Variants in LIMCH1 observed in about 807,000 individuals in gnomAD.
The protein encoded by LIMCH1 is LIM and calponin homology domains-containing protein 1.
Under a neutral mutation model 176.5 loss-of-function variants are expected in LIMCH1, and 113 were observed. The ratio of observed to expected loss-of-function variants is 0.64; its 90% CI spans 0.55 to 0.75. The LOEUF is 0.75. Among genes scored for constraint, LIMCH1 ranks in the 30% least tolerant of loss-of-function variants. LIMCH1 has a pLI of 0.00. For missense variants in LIMCH1, 1,674 were observed against 1,814.9 expected, an observed-to-expected ratio of 0.92 and a Z score of 1.41; for synonymous variants, 619 against 645.9, an observed-to-expected ratio of 0.96 and a Z score of 0.63.
At chr4:41,655,870 T>C (rs757249438) in intron 18 of LIMCH1, among the ~76,000 whole-genome samples, 13 of 152,034 alleles carry the variant, frequency 8.6e-5, no homozygotes, top group Admixed American at 2.0e-4. Flanking sequence ...TTCCCTCCTT[T>C]CCAGTTCTGG....
At chr4:41,483,379 G>T (rs1230173189) in intron 1 of LIMCH1, among the ~76,000 whole-genome samples, 1 of 152,114 alleles carries the variant, frequency 6.6e-6, no homozygotes, top group Admixed American at 6.5e-5. Context: ...TGAGATCATT[G>T]GCTATACATA....
chr4:41,616,738 C>A (rs572855324), intron 5 of LIMCH1, among the ~76,000 whole-genome samples: 31 of 152,062 alleles, frequency 2.0e-4, no homozygotes, highest in Middle Eastern at 3.4e-3. Flanking sequence ...CTCCTAGGTG[C>A]TTTATGTCAT....
At chr4:41,428,362 T>C (rs2061306532) in intron 1 of LIMCH1, among the ~76,000 whole-genome samples, 1 of 152,166 alleles carries the variant, frequency 6.6e-6, no homozygotes, top group African/African-American at 2.4e-5. Context: ...TTAATATCTC[T>C]AAAGCACTAC....
chr4:41,458,318 TA>T lies in LIMCH1; in HGVS notation c.97-36215del, dbSNP rs373766608. On this transcript the variant is annotated intron_variant, in intron 1 of 26. Coordinates refer to the LIMCH1 transcript ENST00000313860. ...ATGAGTGACTTGTAAAAAAACCAAA[TA>T]AATATGTTGAAATTAAATCAAAGTT... Among the ~76,000 whole-genome samples the T allele has an allele frequency of 4.2e-3, 635 of 152,240 alleles. 5 individuals carry two copies. The highest frequency in any genetic ancestry group is 0.014 in the African/African-American group (594 of 41,542).
At position 41,633,575 on chromosome 4, in the gene LIMCH1, G is replaced by A. The variant is rs1275739762; in HGVS notation, c.1857G>A (p.Glu619=). The A allele has an allele frequency of 2.0e-6, 3 of 1,536,156 alleles. No homozygotes were observed. The East Asian group carries it at 7.3e-5, about 38-fold the overall frequency. Residue 619 remains glutamate (E), a synonymous_variant, in exon 13 of 32, where the codon GAG becomes GAA. Coordinates refer to ENST00000503057, the MANE Select transcript of LIMCH1 (RefSeq NM_001330672.2). ...PLVCPLASEC[E]ASGTEEKLEK... ...TGTGTCCTCTGGCCTCTGAGTGTGA[G>A]GCTTCAGGGACAGAAGAGAAGTTGG...
At chr4:41,582,322 A>T (rs1264298500) in intron 1 of LIMCH1, among the ~76,000 whole-genome samples, 2 of 152,352 alleles carry the variant, frequency 1.3e-5, no homozygotes, top group East Asian at 1.9e-4. Flanking sequence ...ATGGAAAACT[A>T]GATGGAAGAT....
At chr4:41,410,624 T>C (rs896836460) in intron 1 of LIMCH1, among the ~76,000 whole-genome samples, 4 of 152,138 alleles carry the variant, frequency 2.6e-5, no homozygotes, top group African/African-American at 9.7e-5. Flanking sequence ...CTGTGCTCCC[T>C]GCAAGACAGC....
chr4:41,684,482 G>C lies in LIMCH1; in HGVS notation c.3931G>C (p.Ala1311Pro). 6.2e-7 allele frequency: 1 copy of C among 1,613,728 alleles called. No individual in the cohort carries two copies. The highest frequency in any genetic ancestry group is 8.5e-7 in the Non-Finnish European group (1 of 1,179,808). Residue 1311 changes from alanine to proline, a missense_variant, in exon 27 of 32, where the codon GCC (alanine) becomes CCC (proline). By Grantham distance (27) the Ala-to-Pro change is conservative (BLOSUM62 -1). This residue lies in a region of LIMCH1 where 1,015 missense variants were observed against 1,102.5 expected (regional missense o/e 0.92). Coordinates refer to ENST00000503057, the MANE Select transcript of LIMCH1 (RefSeq NM_001330672.2). The part of the protein sequence containing the change: ...EDHQLDTEAG[A>P]PHCGTNPQLA... The stretch of plus-strand genomic sequence containing the variant: ...CCATCAGCTGGATACCGAGGCTGGG[G>C]CCCCACACTGTGGAACAAACCCACA...
At chr4:41,544,035 A>G (rs938679988) in intron 1 of LIMCH1, among the ~76,000 whole-genome samples, 3 of 152,168 alleles carry the variant, frequency 2.0e-5, no homozygotes, top group African/African-American at 7.2e-5. Flanking sequence ...AGCAAATAAC[A>G]TGACAAACTC....
Position 41,617,864 on chromosome 4 carries a change from A to T in LIMCH1, c.206-1324A>T, listed in dbSNP as rs77403036. 2.4e-3 allele frequency among the ~76,000 whole-genome samples: 364 copies of T among 152,364 alleles called. 1 individual carries two copies. The highest frequency in any genetic ancestry group is 7.6e-3 in the African/African-American group (317 of 41,578). On this transcript the variant is annotated intron_variant, in intron 5 of 31. Transcript: ENST00000503057. ...CCAGAACTATTATGACATAAAGAGTAGCCAGCATTTATTAAGCACTTAGGC... is the reference window on the plus strand; with the variant it reads ...CCAGAACTATTATGACATAAAGAGTTGCCAGCATTTATTAAGCACTTAGGC...
intron 1 of LIMCH1, among the ~76,000 whole-genome samples, chr4:41,431,188 T>C (rs1336121344): frequency 4.6e-5 from 7 of 152,230 alleles, no homozygotes; most frequent in Non-Finnish European, 7.3e-5. Context: ...AAAATGATTA[T>C]GTAATCTGTT....
chr4:41,658,983 T>C (rs937515048), intron 18 of LIMCH1, among the ~76,000 whole-genome samples: 2 of 152,168 alleles, frequency 1.3e-5, no homozygotes, highest in Non-Finnish European at 1.5e-5. Context: ...TATATAGATG[T>C]CATAAAACAA....
chr4:41,669,862 G>A (rs886865938), intron 21 of LIMCH1, among the ~76,000 whole-genome samples: 2 of 152,138 alleles, frequency 1.3e-5, no homozygotes, highest in Non-Finnish European at 2.9e-5. Flanking sequence ...GTTAGGATCA[G>A]GTATCCTGGA....
intron 1 of LIMCH1, among the ~76,000 whole-genome samples, chr4:41,460,460 A>T (rs796246474): frequency 3.7e-5 from 5 of 133,356 alleles, no homozygotes; most frequent in African/African-American, 1.6e-4. Context: ...GTAATCATCT[A>T]TATATATATA....
At chr4:41,363,974 G>C (rs770649879) in intron 1 of LIMCH1, among the ~76,000 whole-genome samples, 9 of 152,164 alleles carry the variant, frequency 5.9e-5, no homozygotes, top group Non-Finnish European at 1.3e-4. Context: ...GCAGAACACA[G>C]TAGGTGAGAG....
chr4:41,402,431 A>T (rs1297930549), intron 1 of LIMCH1, among the ~76,000 whole-genome samples: 110 of 149,586 alleles, frequency 7.4e-4, no homozygotes, highest in African/African-American at 2.5e-3. Flanking sequence ...TTCCTCAGGG[A>T]TCTAGAACTA....
chr4:41,571,380 A>AG (rs1327329379), intron 1 of LIMCH1, among the ~76,000 whole-genome samples: 2 of 152,030 alleles, frequency 1.3e-5, no homozygotes, highest in African/African-American at 4.8e-5. Context: ...GGAACACAGG[A>AG]GTGTATAAAA....
At chr4:41,419,757 T>C (rs983237967) in intron 1 of LIMCH1, among the ~76,000 whole-genome samples, 3 of 147,812 alleles carry the variant, frequency 2.0e-5, no homozygotes, top group Non-Finnish European at 4.5e-5. Context: ...TTTTCTTCCT[T>C]CCTGCCCTTT....
At chr4:41,491,807 G>A (rs1158865346) in intron 1 of LIMCH1, among the ~76,000 whole-genome samples, 1 of 150,458 alleles carries the variant, frequency 6.6e-6, no homozygotes, top group East Asian at 2.0e-4. Context: ...CTCCCAGACG[G>A]GGCGGCCAGG....
Sources: allele counts gnomAD v4.1 joint callset (sites outside exome capture counted in the v4.1 genomes callset), GRCh38; gene constraint gnomAD v4.1.1; regional missense constraint gnomAD v4.1.1; transcripts MANE v1.5; gene names NCBI Gene and HGNC (gene_info 2026-07-23, HGNC 2026-07-21).